PLA2G4E: variants seen among roughly 807,000 people sequenced by gnomAD.
PLA2G4E encodes phospholipase A2 group IVE, also known as cytosolic phospholipase A2 epsilon.
PLA2G4E carries 84 observed loss-of-function variants against 109.1 expected under a neutral mutation model. That is an observed-to-expected ratio of 0.77 (90% CI 0.65 to 0.92). PLA2G4E has a LOEUF of 0.92. Ranked by LOEUF, PLA2G4E falls within the 40% of genes least tolerant of loss-of-function variation. The probability of loss-of-function intolerance (pLI) is 0.00; values close to 1 mark genes in which losing one functional copy is unlikely to be tolerated. For missense variants in PLA2G4E, 1,057 were observed against 1,076.6 expected, an observed-to-expected ratio of 0.98 and a Z score of 0.25; for synonymous variants, 469 against 436.1, an observed-to-expected ratio of 1.08 and a Z score of -0.94.
Position 41,997,026 on chromosome 15 carries a change from G to A in PLA2G4E, c.1110+98C>T, listed in dbSNP as rs567055932. 3.0e-5 allele frequency: 42 copies of A among 1,394,096 alleles called. No individual in the cohort carries two copies. In the African/African-American group the frequency reaches 5.9e-4, roughly 20 times the overall value. 86.4% of individuals were successfully genotyped at this position (1,394,096 alleles called of 1,614,324 possible). ...CCTCAGCAGTAAAAGCATCCATGGA[G>A]GTGGCGCCTGGGGTAGGGCAGGGCC... On this transcript the variant is annotated intron_variant, in intron 11 of 19. Transcript: ENST00000399518.
chr15:42,034,684 G>C (rs1889177317), intron 1 of PLA2G4E, among the ~76,000 whole-genome samples: 1 of 152,130 alleles, frequency 6.6e-6, no homozygotes, highest in Admixed American at 6.5e-5. Flanking sequence ...TGAATATTGA[G>C]AAAGAGAGAG....
intron 3 of PLA2G4E, among the ~76,000 whole-genome samples, chr15:42,007,474 C>A (rs2068488157): frequency 6.6e-6 from 1 of 151,950 alleles, no homozygotes; most frequent in African/African-American, 2.4e-5. Context: ...TTAAGAGACA[C>A]CTAGTTTCAG....
At position 41,997,093 on chromosome 15, in the gene PLA2G4E, GC is replaced by G. The variant is rs758703745; in HGVS notation, c.1110+30del. On this transcript the variant is annotated intron_variant, in intron 11 of 19. Coordinates refer to ENST00000399518, the Ensembl canonical transcript of PLA2G4E. ...GCATGGTGCTGGAAGGACCAGCTGG[GC>G]CCAGGCTGGCCACATCCCTGATTAC... 8.0e-5 allele frequency: 123 copies of G among 1,536,370 alleles called. No individual in the cohort carries two copies. The East Asian group carries it at 3.0e-3, about 37-fold the overall frequency.
intron 1 of PLA2G4E, among the ~76,000 whole-genome samples, chr15:42,042,624 A>T (rs189991350): frequency 6.6e-6 from 1 of 152,162 alleles, no homozygotes; most frequent in East Asian, 1.9e-4. Flanking sequence ...TCCCATGGCC[A>T]TCCTCTGGGA....
exon 3 of PLA2G4E, chr15:42,007,805 C>T (rs530718861): frequency 1.9e-6 from 3 of 1,611,558 alleles, no homozygotes; most frequent in East Asian, 2.2e-5. Flanking sequence ...GGTCCTTGTC[C>T]TCAGCTTCTT....
At chr15:41,985,975 A>T (rs1482474590) in exon 18 of PLA2G4E, 1 of 1,601,288 alleles carries the variant, frequency 6.2e-7, no homozygotes, top group African/African-American at 1.3e-5. Flanking sequence ...GGACTCGGTC[A>T]GCTGGTTTGG....
chr15:42,014,456 A>C (rs2068569143), intron 1 of PLA2G4E, among the ~76,000 whole-genome samples: 2 of 152,178 alleles, frequency 1.3e-5, no homozygotes, highest in Admixed American at 6.5e-5. Flanking sequence ...ATAGCTGCTT[A>C]TTGGCACTCT....
At chr15:41,995,315 G>T in intron 12 of PLA2G4E, 45 bp downstream of exon 12, 2 of 1,592,998 alleles carry the variant, frequency 1.3e-6, no homozygotes, top group Non-Finnish European at 1.7e-6. Context: ...CAGCCTGTTC[G>T]TGGCTTGCCC....
chr15:42,009,636 G>T (rs1465698827), intron 2 of PLA2G4E, among the ~76,000 whole-genome samples: 3 of 152,086 alleles, frequency 2.0e-5, no homozygotes, highest in Admixed American at 2.0e-4. Flanking sequence ...CCCTGTGTGT[G>T]CGAGCATGTG....
intron 2 of PLA2G4E, chr15:42,010,048 G>T (rs552146127): frequency 6.4e-6 from 3 of 467,756 alleles, no homozygotes; most frequent in South Asian, 1.8e-5. Flanking sequence ...AGGTCAGTGT[G>T]TCTCATTGCT....
At chr15:42,004,678 G>A (rs2068456224) in intron 5 of PLA2G4E, among the ~76,000 whole-genome samples, 1 of 152,228 alleles carries the variant, frequency 6.6e-6, no homozygotes, top group South Asian at 2.1e-4. Flanking sequence ...CCTGAGGCAG[G>A]CTATTTGGCC....
intron 17 of PLA2G4E, 54 bp from the exon 18 acceptor site, chr15:41,986,059 G>C: frequency 6.5e-7 from 1 of 1,536,624 alleles, no homozygotes; most frequent in Non-Finnish European, 8.8e-7. Context: ...ACAGCCAATG[G>C]ACAGAGGCAC....
At chr15:42,040,775 T>C (rs896609961) in intron 1 of PLA2G4E, among the ~76,000 whole-genome samples, 1 of 152,230 alleles carries the variant, frequency 6.6e-6, no homozygotes. Flanking sequence ...TGGAATCATA[T>C]GGAGATCTTT....
At chr15:41,989,298 C>A in intron 15 of PLA2G4E, 117 bp downstream of exon 15, 1 of 1,433,280 alleles carries the variant, frequency 7.0e-7, no homozygotes. Flanking sequence ...TGGGACCACT[C>A]CTAGGATGAG....
At chr15:42,040,091 C>T (rs1429349588) in intron 1 of PLA2G4E, among the ~76,000 whole-genome samples, 1 of 152,144 alleles carries the variant, frequency 6.6e-6, no homozygotes, top group African/African-American at 2.4e-5. Flanking sequence ...AATCCCAGCA[C>T]TTTGGGAGGC....
intron 1 of PLA2G4E, among the ~76,000 whole-genome samples, chr15:42,031,166 A>G (rs1267164442): frequency 1.3e-5 from 2 of 152,026 alleles, no homozygotes; most frequent in Non-Finnish European, 2.9e-5. Context: ...TCGGGGTCTC[A>G]CTATGTTGCC....
At chr15:42,043,941 C>T (rs1291052132) in intron 1 of PLA2G4E, among the ~76,000 whole-genome samples, 2 of 152,090 alleles carry the variant, frequency 1.3e-5, no homozygotes, top group African/African-American at 4.8e-5. Context: ...ATTCTTTTTG[C>T]TACAGGACAA....
At chr15:42,007,994 G>A (rs1045869324) in intron 2 of PLA2G4E, 129 bp from the exon 3 acceptor site, 50 of 1,057,080 alleles carry the variant, frequency 4.7e-5, no homozygotes, top group Non-Finnish European at 6.8e-5. Context: ...TCATTCATGG[G>A]TCTAACTTTC....
chr15:42,029,376 A>T (rs1889076318), intron 1 of PLA2G4E, among the ~76,000 whole-genome samples: 4 of 152,188 alleles, frequency 2.6e-5, no homozygotes, highest in Admixed American at 2.6e-4. Context: ...GATTACAAGC[A>T]TGAGCTACTG....
Sources: allele counts gnomAD v4.1 joint callset (sites outside exome capture counted in the v4.1 genomes callset), GRCh38; gene constraint gnomAD v4.1.1; transcripts MANE v1.5; gene names NCBI Gene and HGNC (gene_info 2026-07-23, HGNC 2026-07-21).